Variants in PEX5L observed in about 807,000 individuals in gnomAD.
The protein encoded by PEX5L is peroxisomal biogenesis factor 5 like.
PEX5L carries 30 observed loss-of-function variants against 84.0 expected under a neutral mutation model. The ratio of observed to expected loss-of-function variants is 0.36; its 90% CI spans 0.27 to 0.48. PEX5L has a LOEUF of 0.48. Among genes scored for constraint, PEX5L ranks in the 20% least tolerant of loss-of-function variants. The probability of loss-of-function intolerance (pLI) is 0.99; values close to 1 mark genes in which losing one functional copy is unlikely to be tolerated. For synonymous variants in PEX5L, 270 were observed against 283.1 expected (o/e 0.95, Z 0.46); for missense variants, 533 against 754.6 (o/e 0.71, Z 3.44).
intron 3 of PEX5L, among the ~76,000 whole-genome samples, chr3:179,889,991 C>T (rs1757112381): frequency 6.6e-6 from 1 of 152,122 alleles, no homozygotes; most frequent in African/African-American, 2.4e-5. Context: ...CCGGTGAGCT[C>T]ATCTAAAAAT....
At chr3:179,854,145 AGACT>A (rs1358065018) in intron 8 of PEX5L, among the ~76,000 whole-genome samples, 1 of 150,100 alleles carries the variant, frequency 6.7e-6, no homozygotes, top group African/African-American at 2.4e-5. Flanking sequence ...GCACCACGCC[AGACT>A]TGATGTTTCA....
At position 179,797,072 on chromosome 3, in the gene PEX5L, T is replaced by TAAG. The variant is rs947121224; in HGVS notation, c.*4753_*4755dup. On this transcript the variant is annotated 3_prime_UTR_variant, in exon 15 of 15. Coordinates refer to ENST00000467460, the MANE Select transcript of PEX5L (RefSeq NM_016559.3). ...TTAGAAAAATTTTGAAATGCATTATTAAGAATTTAAAGTCGAAACCTTTAT... is the reference window on the plus strand; with the variant it reads ...TTAGAAAAATTTTGAAATGCATTATTAAGAAGAATTTAAAGTCGAAACCTTTAT... The TAAG allele has an allele frequency of 1.6e-4, 25 of 151,970 alleles. No homozygotes were observed. Among genetic ancestry groups the TAAG allele is most frequent in the Non-Finnish European group, 2.9e-4 (20 of 67,904 alleles). The allele number at this position is 151,970 out of a possible 1,614,324, so 9.4% of individuals were successfully genotyped here. A position where few individuals can be genotyped will look rare whatever the true frequency, so the allele number is the denominator to read the frequency against.
chr3:179,908,885 T>C (rs1401104270), intron 2 of PEX5L, among the ~76,000 whole-genome samples: 1 of 152,190 alleles, frequency 6.6e-6, no homozygotes, highest in Non-Finnish European at 1.5e-5. Context: ...ACATTTGGGT[T>C]GGCTGTTTTA....
chr3:179,964,309 C>T (rs1314944127), intron 2 of PEX5L, among the ~76,000 whole-genome samples: 1 of 152,096 alleles, frequency 6.6e-6, no homozygotes, highest in Non-Finnish European at 1.5e-5. Flanking sequence ...CCAGTTCCAT[C>T]CACGTTGCTG....
At chr3:179,919,462 G>C (rs1768473951) in intron 2 of PEX5L, among the ~76,000 whole-genome samples, 2 of 152,150 alleles carry the variant, frequency 1.3e-5, no homozygotes, top group Admixed American at 1.3e-4. Context: ...TCTTTCACAG[G>C]CATCGCTGGG....
At chr3:180,023,335 T>A (rs1019541762) in intron 1 of PEX5L, among the ~76,000 whole-genome samples, 8 of 152,288 alleles carry the variant, frequency 5.3e-5, no homozygotes, top group East Asian at 3.9e-4. Context: ...CAGTATTATA[T>A]CACAAATAAG....
chr3:179,926,621 A>T (rs1771531107), intron 2 of PEX5L, among the ~76,000 whole-genome samples: 1 of 152,158 alleles, frequency 6.6e-6, no homozygotes, highest in Non-Finnish European at 1.5e-5. Context: ...AATTCTGTGC[A>T]AAGGACTTAT....
chr3:179,998,316 A>G (rs183917191), intron 1 of PEX5L, among the ~76,000 whole-genome samples: 60 of 152,322 alleles, frequency 3.9e-4, no homozygotes, highest in Non-Finnish European at 7.2e-4. Flanking sequence ...AAGTAACCCG[A>G]AAGTCTGCCA....
At chr3:179,933,172 A>G (rs79028056) in intron 2 of PEX5L, among the ~76,000 whole-genome samples, 2,433 of 152,292 alleles carry the variant, frequency 0.016, 73 homozygotes, top group African/African-American at 0.056. Flanking sequence ...ACTTTGATCC[A>G]CATATATCTT....
chr3:179,871,322 C>A (rs539176947), intron 7 of PEX5L, among the ~76,000 whole-genome samples: 1 of 151,992 alleles, frequency 6.6e-6, no homozygotes, highest in East Asian at 1.9e-4. Flanking sequence ...AGGCTGCTTT[C>A]GAACTCCTGA....
intron 1 of PEX5L, among the ~76,000 whole-genome samples, chr3:179,991,512 T>G (rs1345276539): frequency 2.0e-5 from 3 of 152,190 alleles, no homozygotes; most frequent in Non-Finnish European, 4.4e-5. Context: ...CATCCTTTTT[T>G]TTCCCCCTCT....
At chr3:179,806,322 C>G (rs1363901559) in intron 14 of PEX5L, among the ~76,000 whole-genome samples, 1 of 152,222 alleles carries the variant, frequency 6.6e-6, no homozygotes, top group East Asian at 1.9e-4. Flanking sequence ...CAGCTCTGGG[C>G]TTTTGCACAG....
chr3:179,872,821 A>G (rs1750826263), intron 7 of PEX5L, among the ~76,000 whole-genome samples: 1 of 152,238 alleles, frequency 6.6e-6, no homozygotes, highest in African/African-American at 2.4e-5. Flanking sequence ...CTGAGCCTAA[A>G]TCTCTACTGT....
chr3:179,900,795 C>T (rs1209530251), intron 2 of PEX5L: 1 of 1,187,562 alleles, frequency 8.4e-7, no homozygotes, highest in Non-Finnish European at 1.2e-6. Flanking sequence ...TCTTTACAGC[C>T]TTTTTTGGCT....
At chr3:179,820,879 G>C (rs1032745644) in intron 8 of PEX5L, among the ~76,000 whole-genome samples, 1 of 152,228 alleles carries the variant, frequency 6.6e-6, no homozygotes, top group Non-Finnish European at 1.5e-5. Flanking sequence ...TCCAGGGGTA[G>C]GGAAAGAGAT....
chr3:179,992,613 G>A (rs566944929), intron 1 of PEX5L, among the ~76,000 whole-genome samples: 1 of 152,214 alleles, frequency 6.6e-6, no homozygotes, highest in African/African-American at 2.4e-5. Flanking sequence ...GTAACAGATG[G>A]CTCCCACTCA....
chr3:180,001,425 C>T (rs1054016525), intron 1 of PEX5L, among the ~76,000 whole-genome samples: 16 of 150,142 alleles, frequency 1.1e-4, no homozygotes, highest in African/African-American at 2.9e-4. Flanking sequence ...GACTTATACA[C>T]CCACCGTCTC....
intron 1 of PEX5L, among the ~76,000 whole-genome samples, chr3:180,007,483 C>T (rs547159418): frequency 1.2e-3 from 179 of 152,300 alleles, no homozygotes; most frequent in African/African-American, 3.8e-3. Flanking sequence ...GTCCTCTTCT[C>T]GCAGCTCGAT....
At chr3:179,989,262 G>A (rs2110362854) in intron 1 of PEX5L, among the ~76,000 whole-genome samples, 3 of 152,278 alleles carry the variant, frequency 2.0e-5, no homozygotes, top group Middle Eastern at 6.8e-3. Flanking sequence ...CACGATCTAG[G>A]AGAGCATGAT....
Sources: allele counts gnomAD v4.1 joint callset (sites outside exome capture counted in the v4.1 genomes callset), GRCh38; gene constraint gnomAD v4.1.1; transcripts MANE v1.5; gene names NCBI Gene and HGNC (gene_info 2026-07-23, HGNC 2026-07-21).